EPS15: variants seen among roughly 807,000 people sequenced by gnomAD.
The protein encoded by EPS15 is epidermal growth factor receptor substrate 15.
Under a neutral mutation model 113.8 loss-of-function variants are expected in EPS15, and 72 were observed. The observed-to-expected ratio is 0.63, with a 90% CI of 0.52 to 0.77. EPS15 has a LOEUF of 0.77. Among genes scored for constraint, EPS15 ranks in the 30% least tolerant of loss-of-function variants. The pLI, the probability that EPS15 is intolerant of heterozygous loss-of-function variation, is 0.00. For synonymous variants in EPS15, 344 were observed against 363.4 expected (o/e 0.95, Z 0.61); for missense variants, 1,048 against 1,045.8 (o/e 1.00, Z -0.03).
intron 5 of EPS15, among the ~76,000 whole-genome samples, chr1:51,465,837 G>C (rs1654804803): frequency 6.6e-6 from 1 of 151,634 alleles, no homozygotes; most frequent in African/African-American, 2.4e-5. Flanking sequence ...CTAAACTTAA[G>C]AAATTAAATT....
At chr1:51,489,091 T>G (rs1644180316) in intron 1 of EPS15, among the ~76,000 whole-genome samples, 1 of 151,736 alleles carries the variant, frequency 6.6e-6, no homozygotes, top group Non-Finnish European at 1.5e-5. Flanking sequence ...GATTGTTACT[T>G]GTTACTTGAA....
chr1:51,451,408 T>C (rs1653540099), intron 8 of EPS15, among the ~76,000 whole-genome samples: 1 of 149,290 alleles, frequency 6.7e-6, no homozygotes, highest in Non-Finnish European at 1.5e-5. Context: ...GGAGAATTGA[T>C]TGACCTTGGG....
At chr1:51,456,796 G>A (rs988167484) in intron 8 of EPS15, among the ~76,000 whole-genome samples, 6 of 152,136 alleles carry the variant, frequency 3.9e-5, no homozygotes, top group African/African-American at 2.4e-5. Flanking sequence ...TTTAAAAAGA[G>A]TACAGATTAT....
intron 8 of EPS15, among the ~76,000 whole-genome samples, chr1:51,454,560 G>C (rs1653833672): frequency 1.3e-5 from 2 of 152,176 alleles, no homozygotes; most frequent in Non-Finnish European, 2.9e-5. Flanking sequence ...GTCCAGTCTA[G>C]TCACGAGAAT....
intron 6 of EPS15, among the ~76,000 whole-genome samples, chr1:51,465,027 T>G (rs951085104): frequency 2.0e-5 from 3 of 152,178 alleles, no homozygotes; most frequent in African/African-American, 7.2e-5. Flanking sequence ...TAATACAAGA[T>G]TATGACATCA....
intron 5 of EPS15, among the ~76,000 whole-genome samples, chr1:51,466,916 T>C (rs1654882242): frequency 6.6e-6 from 1 of 151,890 alleles, no homozygotes; most frequent in Admixed American, 6.6e-5. Flanking sequence ...TTGCAACTCA[T>C]ACAGACAAAG....
rs1354395924 is a variant in EPS15 at position 51,402,472 on chromosome 1, T to C, written c.1845A>G (p.Thr615=). Reference sequence around the variant, plus strand: ...GATCAGACTGGAAAAAATCCAAGTTTGTATCTGCAACTGGACCTGTCAGCG... The same window carrying C: ...GATCAGACTGGAAAAAATCCAAGTTCGTATCTGCAACTGGACCTGTCAGCG... ...SSSLTGPVAD[T]NLDFFQSDPF... Residue 615 remains threonine (T), a synonymous_variant, in exon 18 of 25, where the codon ACA becomes ACG. Transcript: ENST00000371733. 2 of 1,591,634 alleles carry C rather than the reference T, an allele frequency of 1.3e-6. No homozygotes were observed.
chr1:51,487,883 T>C (rs534551686), intron 1 of EPS15, among the ~76,000 whole-genome samples: 2 of 152,294 alleles, frequency 1.3e-5, no homozygotes, highest in South Asian at 4.1e-4. Flanking sequence ...GTTTCTGGTG[T>C]GTCTCAGTAA....
intron 5 of EPS15, among the ~76,000 whole-genome samples, chr1:51,467,571 T>C (rs1056692425): frequency 3.3e-5 from 5 of 152,224 alleles, no homozygotes; most frequent in African/African-American, 7.2e-5. Flanking sequence ...TATAGAATTA[T>C]GTGCATAGCA....
chr1:51,499,877 C>T (rs1039142171), intron 1 of EPS15, among the ~76,000 whole-genome samples: 1 of 152,128 alleles, frequency 6.6e-6, no homozygotes, highest in Non-Finnish European at 1.5e-5. Flanking sequence ...CATTATTGTG[C>T]AACTATTTCC....
chr1:51,508,327 AAAG>A (rs1644550922), intron 1 of EPS15, among the ~76,000 whole-genome samples: 2 of 134,160 alleles, frequency 1.5e-5, no homozygotes, highest in African/African-American at 6.3e-5. Flanking sequence ...AGAAAGAGAG[AAAG>A]AGAAAGAGAG....
chr1:51,441,739 C>T (rs748673121), intron 11 of EPS15, among the ~76,000 whole-genome samples: 1 of 152,098 alleles, frequency 6.6e-6, no homozygotes, highest in African/African-American at 2.4e-5. Flanking sequence ...TTGTTATTAA[C>T]CCCATCTTAG....
chr1:51,454,049 CAAAA>C (rs376428827), intron 8 of EPS15, among the ~76,000 whole-genome samples: 3,420 of 88,190 alleles, frequency 0.039, 45 homozygotes, highest in Middle Eastern at 0.059. Context: ...GACTTTGTTT[CAAAA>C]AAAAAAAAAA....
At chr1:51,426,768 G>A (rs1380112652) in intron 12 of EPS15, among the ~76,000 whole-genome samples, 1 of 151,308 alleles carries the variant, frequency 6.6e-6, no homozygotes, top group Non-Finnish European at 1.5e-5. Context: ...TCCTAGAGAT[G>A]TCGGACTTGC....
chr1:51,515,179 G>A (rs553889963), intron 1 of EPS15, among the ~76,000 whole-genome samples: 23 of 151,628 alleles, frequency 1.5e-4, no homozygotes, highest in Non-Finnish European at 2.9e-4. Context: ...AACAAAAAAA[G>A]CATTAGAACT....
chr1:51,364,347 C>A (rs1253394747), intron 22 of EPS15, among the ~76,000 whole-genome samples: 1 of 152,110 alleles, frequency 6.6e-6, no homozygotes, highest in Non-Finnish European at 1.5e-5. Context: ...TTTAAAGGGA[C>A]TGTATGCCTT....
At chr1:51,489,246 T>A (rs932486904) in intron 1 of EPS15, among the ~76,000 whole-genome samples, 7 of 150,396 alleles carry the variant, frequency 4.7e-5, no homozygotes, top group African/African-American at 1.5e-4. Context: ...TAATAAACTT[T>A]ACTAAGAAAA....
At chr1:51,378,045 G>A (rs1041254865) in intron 21 of EPS15, among the ~76,000 whole-genome samples, 7 of 151,796 alleles carry the variant, frequency 4.6e-5, no homozygotes, top group African/African-American at 1.7e-4. Context: ...ACAGGCACCC[G>A]CCACCACGCC....
chr1:51,452,044 G>C (rs1449768618), intron 8 of EPS15, among the ~76,000 whole-genome samples: 1 of 151,306 alleles, frequency 6.6e-6, no homozygotes, highest in African/African-American at 2.4e-5. Flanking sequence ...ACCAAACCCA[G>C]CTAATTTTTT....
Sources: allele counts gnomAD v4.1 joint callset (sites outside exome capture counted in the v4.1 genomes callset), GRCh38; gene constraint gnomAD v4.1.1; transcripts MANE v1.5; gene names NCBI Gene and HGNC (gene_info 2026-07-23, HGNC 2026-07-21).